Variants in MECOM observed in about 807,000 individuals in gnomAD.
MECOM encodes MDS1 and EVI1 complex locus.
MECOM carries 13 observed loss-of-function variants against 116.3 expected under a neutral mutation model. The ratio of observed to expected loss-of-function variants is 0.11; its 90% confidence interval spans 0.07 to 0.18. The LOEUF (loss-of-function observed/expected upper bound fraction) is 0.18, where lower values mean the gene tolerates loss of function less well. Ranked by LOEUF, MECOM falls within the 10% of genes least tolerant of loss-of-function variation. MECOM has a pLI of 1.00. For synonymous variants in MECOM, 528 were observed against 535.2 expected, an observed-to-expected ratio of 0.99 and a Z score of 0.19; for missense variants, 1,299 against 1,509.0, an observed-to-expected ratio of 0.86 and a Z score of 2.31.
chr3:169,433,935 C>G (rs554052556), intron 1 of MECOM, among the ~76,000 whole-genome samples: 2 of 152,144 alleles, frequency 1.3e-5, no homozygotes, highest in Admixed American at 1.3e-4. Flanking sequence ...CGTTGGAGAG[C>G]TGTTATCTGA....
intron 1 of MECOM, among the ~76,000 whole-genome samples, chr3:169,526,692 G>A (rs1576722725): frequency 6.6e-6 from 1 of 151,874 alleles, no homozygotes; most frequent in Non-Finnish European, 1.5e-5. Context: ...ATTCTGAGAA[G>A]CCACAAATCA....
intron 1 of MECOM, among the ~76,000 whole-genome samples, chr3:169,404,603 G>A (rs1736384095): frequency 6.6e-6 from 1 of 152,232 alleles, no homozygotes; most frequent in Non-Finnish European, 1.5e-5. Context: ...CCCAAGCTCA[G>A]GCTGATCCGA....
At chr3:169,194,690 T>C (rs1011600) in intron 2 of MECOM, among the ~76,000 whole-genome samples, 1,680 of 152,122 alleles carry the variant, frequency 0.011, 40 homozygotes, top group African/African-American at 0.038. Flanking sequence ...AGTTGAGTGT[T>C]ACCGCTGAAA....
intron 2 of MECOM, among the ~76,000 whole-genome samples, chr3:169,247,551 G>A (rs182842639): frequency 2.6e-5 from 4 of 152,266 alleles, no homozygotes; most frequent in South Asian, 2.1e-4. Context: ...TGATCTACCC[G>A]CCTCGGCCTC....
chr3:169,313,059 C>G (rs114798935), intron 2 of MECOM, among the ~76,000 whole-genome samples: 4 of 152,038 alleles, frequency 2.6e-5, no homozygotes, highest in Non-Finnish European at 4.4e-5. Flanking sequence ...TTGAGACAAC[C>G]AGTGAAATAA....
At chr3:169,205,863 A>T (rs534584648) in intron 2 of MECOM, among the ~76,000 whole-genome samples, 16 of 152,350 alleles carry the variant, frequency 1.1e-4, no homozygotes, top group Non-Finnish European at 1.8e-4. Context: ...TAATAATCAC[A>T]TGAACAAAAA....
intron 2 of MECOM, among the ~76,000 whole-genome samples, chr3:169,273,369 C>A (rs774366133): frequency 6.6e-6 from 1 of 152,066 alleles, no homozygotes; most frequent in Non-Finnish European, 1.5e-5. Context: ...ACCAAATTAC[C>A]TTTGTTGCAG....
intron 1 of MECOM, among the ~76,000 whole-genome samples, chr3:169,622,270 T>A (rs1045003591): frequency 2.0e-5 from 3 of 152,108 alleles, no homozygotes; most frequent in Non-Finnish European, 4.4e-5. Context: ...TTTTGTATTT[T>A]TAGTAGAGAC....
intron 1 of MECOM, among the ~76,000 whole-genome samples, chr3:169,641,753 T>C (rs1046889180): frequency 2.6e-5 from 4 of 152,232 alleles, no homozygotes; most frequent in African/African-American, 9.6e-5. Flanking sequence ...CTATTAACTA[T>C]CTGTCCAAAG....
intron 1 of MECOM, among the ~76,000 whole-genome samples, chr3:169,459,679 C>T (rs75354188): frequency 0.015 from 2,237 of 152,284 alleles, 54 homozygotes; most frequent in East Asian, 0.089. Context: ...CCCCTTCCCC[C>T]TCAACCTGTC....
Position 169,112,816 on chromosome 3 carries a change from G to T in MECOM, c.2548C>A (p.Pro850Thr), listed in dbSNP as rs1727870436. ...GGGTGAAACAAGAATCCTGGAGAAG[G>T]CCTCAAGTATTTCTCTTTTAAAGCT... ...LEALKEKYLR[P>T]SPGFLFHPQF... Residue 850 changes from proline (P) to threonine (T), a missense_variant, in exon 9 of 17, where the codon CCT (proline) becomes ACT (threonine). Coordinates refer to ENST00000651503, the MANE Select transcript of MECOM (RefSeq NM_004991.4). 1.9e-6 allele frequency: 3 copies of T among 1,612,876 alleles called. No individual in the cohort carries two copies. The highest frequency in any genetic ancestry group is 2.7e-5 in the African/African-American group (2 of 74,864).
intron 1 of MECOM, among the ~76,000 whole-genome samples, chr3:169,431,843 G>A (rs1741694559): frequency 6.6e-6 from 1 of 152,182 alleles, no homozygotes; most frequent in Non-Finnish European, 1.5e-5. Context: ...AGATGGCACA[G>A]ACCAAGGGGT....
At chr3:169,321,666 G>A (rs967896814) in intron 2 of MECOM, among the ~76,000 whole-genome samples, 4 of 152,004 alleles carry the variant, frequency 2.6e-5, no homozygotes, top group Non-Finnish European at 4.4e-5. Flanking sequence ...GAGATGGAAT[G>A]TGGACCTATG....
intron 12 of MECOM, among the ~76,000 whole-genome samples, chr3:169,096,709 C>T (rs1721612611): frequency 6.6e-6 from 1 of 152,150 alleles, no homozygotes; most frequent in African/African-American, 2.4e-5. Context: ...AGAAGTCACC[C>T]CATTCCACTA....
In MECOM at chr3:169,437,471, T is replaced by C. The variant is rs187832679; in HGVS notation, c.38-55947A>G. Among the ~76,000 whole-genome samples the C allele has an allele frequency of 1.6e-4, 25 of 152,348 alleles. 1 individual carries two copies. Among genetic ancestry groups the C allele is most frequent in the African/African-American group, 5.8e-4 (24 of 41,592 alleles). On this transcript the variant is annotated intron_variant, in intron 1 of 16. Transcript: ENST00000651503. ...AAGGAACTCAAACCGGATCCCATGA[T>C]AGAATCTCCAAGATTAGTTAACATA...
intron 2 of MECOM, among the ~76,000 whole-genome samples, chr3:169,325,021 G>T (rs923399967): frequency 6.6e-6 from 1 of 152,114 alleles, no homozygotes; most frequent in Non-Finnish European, 1.5e-5. Context: ...AGGCAGCAGA[G>T]TACTAAATCT....
At chr3:169,562,899 T>A (rs1288238630) in intron 1 of MECOM, among the ~76,000 whole-genome samples, 2 of 151,814 alleles carry the variant, frequency 1.3e-5, no homozygotes, top group African/African-American at 4.8e-5. Flanking sequence ...CCATCTCTAC[T>A]AAAAATACAA....
chr3:169,312,153 C>T (rs560262008), intron 2 of MECOM, among the ~76,000 whole-genome samples: 2 of 152,184 alleles, frequency 1.3e-5, no homozygotes, highest in Admixed American at 6.5e-5. Flanking sequence ...ATGTGGAGAA[C>T]AGATTATGGC....
chr3:169,300,810 G>C (rs549128982), intron 2 of MECOM, among the ~76,000 whole-genome samples: 1 of 152,296 alleles, frequency 6.6e-6, no homozygotes, highest in African/African-American at 2.4e-5. Flanking sequence ...GTACAACAGA[G>C]CTAACCATTA....
Sources: gnomAD v4.1 joint callset for allele counts (sites outside exome capture counted in the v4.1 genomes callset) on GRCh38, gnomAD v4.1.1 for gene constraint, MANE v1.5 for transcripts, NCBI Gene and HGNC (gene_info 2026-07-23, HGNC 2026-07-21) for gene names.